PSIP1: variants seen among roughly 807,000 people sequenced by gnomAD.
The protein encoded by PSIP1 is PC4 and SFRS1-interacting protein.
Under a neutral mutation model 74.7 loss-of-function variants are expected in PSIP1, and 19 were observed. The ratio of observed to expected loss-of-function variants is 0.25; its 90% CI spans 0.18 to 0.37. The LOEUF is 0.37. Ranked by LOEUF, PSIP1 falls within the 10% of genes least tolerant of loss-of-function variation. The pLI is 1.00. For missense variants in PSIP1, 601 were observed against 614.3 expected, an observed-to-expected ratio of 0.98 and a Z score of 0.23; for synonymous variants, 222 against 195.3, an observed-to-expected ratio of 1.14 and a Z score of -1.14.
At chr9:15,506,405 A>G in intron 3 of PSIP1, 156 bp downstream of exon 3, 1 of 504,850 alleles carries the variant, frequency 2.0e-6, no homozygotes, top group South Asian at 3.9e-5. Flanking sequence ...GCATCTGTAA[A>G]CGCTACCTTA....
chr9:15,489,633 TTTAA>T (rs1217440154), intron 4 of PSIP1, among the ~76,000 whole-genome samples: 19 of 142,454 alleles, frequency 1.3e-4, no homozygotes, highest in Non-Finnish European at 2.6e-4. Context: ...AAAAAAGAAA[TTTAA>T]TTAATTAATT....
intron 3 of PSIP1, among the ~76,000 whole-genome samples, chr9:15,504,736 C>CAA (rs576748638): frequency 1.1e-4 from 11 of 102,270 alleles, no homozygotes; most frequent in East Asian, 1.0e-3. Flanking sequence ...GACTCGGTCT[C>CAA]AAAAAAAAAA....
chr9:15,479,789 G>A, intron 6 of PSIP1, 102 bp from the exon 7 acceptor site: 2 of 788,264 alleles, frequency 2.5e-6, no homozygotes. Context: ...TTGAGTTCAA[G>A]TATAGATATA....
intron 3 of PSIP1, among the ~76,000 whole-genome samples, chr9:15,495,422 ATT>A (rs1219126043): frequency 6.6e-6 from 1 of 152,196 alleles, no homozygotes; most frequent in Non-Finnish European, 1.5e-5. Flanking sequence ...GACCTTTAAA[ATT>A]TGTCAGAATA....
In PSIP1 at chr9:15,490,053, CT is replaced by C; in HGVS notation, c.220del (p.Arg74GlufsTer11). On this transcript the variant is annotated frameshift_variant, in exon 4 of 16. Coordinates refer to ENST00000380733, the MANE Select transcript of PSIP1 (RefSeq NM_033222.5). LOFTEE classifies it high-confidence loss of function. The stretch of plus-strand genomic sequence containing the variant: ...CCATAAACCTTCATTAAAACCTTTT[CT>C]TTTATTTGGTTTGCCATACTTTTCC... ...NKEKYGKPNKRKGFNEGLWEI... is the reference protein window; with the variant it reads ...NKEKYGKPNKXKGFNEGLWEI... 1 of 1,605,980 alleles carries C rather than the reference CT, an allele frequency of 6.2e-7. No homozygotes were observed. Among genetic ancestry groups the C allele is most frequent in the Non-Finnish European group, 8.5e-7 (1 of 1,176,204 alleles).
intron 14 of PSIP1, 80 bp downstream of exon 14, chr9:15,468,550 T>C (rs1219137722): frequency 2.4e-5 from 35 of 1,441,104 alleles, no homozygotes; most frequent in Non-Finnish European, 3.3e-5. Context: ...AGTGAAACTA[T>C]GTATGAAAGC....
chr9:15,466,147 G>C (rs1043331188), intron 15 of PSIP1, among the ~76,000 whole-genome samples: 1 of 152,218 alleles, frequency 6.6e-6, no homozygotes, highest in Non-Finnish European at 1.5e-5. Context: ...GGAAGCCAAG[G>C]TGGGTGGATC....
rs746028050 is a variant in PSIP1 at position 15,510,132 on chromosome 9, G to C, written c.57C>G (p.Pro19=). Residue 19 remains proline, a synonymous_variant, in exon 2 of 16, where the codon CCC becomes CCG. Coordinates refer to ENST00000380733, the MANE Select transcript of PSIP1 (RefSeq NM_033222.5). ...DLIFAKMKGY[P]HWPARVDEVP... is the part of the protein sequence containing the mutation. ...AATCACTTACTCGAGCTGGCCAATG[G>C]GGATAACCTTTCATCTTGGCGAAGA... The C allele has an allele frequency of 4.4e-6, 7 of 1,607,688 alleles. No homozygotes were observed. Among genetic ancestry groups the C allele is most frequent in the Non-Finnish European group, 4.2e-6 (5 of 1,177,178 alleles).
Position 15,510,101 on chromosome 9 carries a change from G to A in PSIP1, c.72+16C>T, listed in dbSNP as rs1432053115. ...GAGGGTAGCACTGCTAAGCGCGAGG[G>A]CTACAAATCACTTACTCGAGCTGGC... On this transcript the variant is annotated intron_variant, in intron 2 of 15. Coordinates refer to ENST00000380733, the MANE Select transcript of PSIP1 (RefSeq NM_033222.5). 11 of 1,599,182 alleles carry A rather than the reference G, an allele frequency of 6.9e-6. No homozygotes were observed. Among genetic ancestry groups the A allele is most frequent in the Admixed American group, 1.7e-5 (1 of 58,808 alleles).
At chr9:15,479,013 T>G (rs1276246213) in intron 7 of PSIP1, among the ~76,000 whole-genome samples, 1 of 152,100 alleles carries the variant, frequency 6.6e-6, no homozygotes, top group Non-Finnish European at 1.5e-5. Context: ...AAAATCTTTT[T>G]TCTTTTCTGG....
At chr9:15,495,672 C>CCTTT (rs142526507) in intron 3 of PSIP1, among the ~76,000 whole-genome samples, 2,082 of 152,250 alleles carry the variant, frequency 0.014, 37 homozygotes, top group African/African-American at 0.048. Context: ...CTGTCATACT[C>CCTTT]CTAAGTTTAG....
intron 4 of PSIP1, among the ~76,000 whole-genome samples, chr9:15,488,814 G>T (rs904396579): frequency 6.6e-6 from 1 of 151,786 alleles, no homozygotes; most frequent in South Asian, 2.1e-4. Flanking sequence ...AAGGTCAGGA[G>T]ATCGAGACCA....
At chr9:15,466,720 A>C in intron 15 of PSIP1, 28 bp downstream of exon 15, 2 of 1,543,904 alleles carry the variant, frequency 1.3e-6, no homozygotes, top group African/African-American at 1.4e-5. Context: ...TAAAAAACAC[A>C]CAAGACCCAT....
intron 6 of PSIP1, among the ~76,000 whole-genome samples, chr9:15,482,629 T>C (rs2036383838): frequency 6.6e-6 from 1 of 152,194 alleles, no homozygotes; most frequent in African/African-American, 2.4e-5. Flanking sequence ...TCATCCAACA[T>C]GTATTTACAT....
At chr9:15,471,545 A>T (rs1407543179) in intron 10 of PSIP1, 6 of 972,638 alleles carry the variant, frequency 6.2e-6, no homozygotes, top group Non-Finnish European at 7.3e-6. Flanking sequence ...TTCAGTGAAA[A>T]GATAGAATAG....
rs1222370607 is a variant in PSIP1, at chr9:15,469,931, A to G, written c.1033+7T>C. On this transcript the variant is annotated splice_region_variant and intron_variant, in intron 11 of 15. Coordinates refer to ENST00000380733, the MANE Select transcript of PSIP1 (RefSeq NM_033222.5). The stretch of plus-strand genomic sequence containing the variant: ...TTTTATGTATCTTAGAAAGTGAAAT[A>G]ACTAACCTCGCTTCTTCTCCACTTT... The G allele has an allele frequency of 6.2e-7, 1 of 1,603,146 alleles. No individual in the cohort carries two copies. The highest frequency in any genetic ancestry group is 2.2e-5 in the East Asian group (1 of 44,736).
intron 3 of PSIP1, among the ~76,000 whole-genome samples, chr9:15,491,314 A>G (rs375915247): frequency 6.6e-5 from 10 of 152,242 alleles, no homozygotes; most frequent in African/African-American, 2.4e-4. Context: ...AACAGACTGC[A>G]AAAAAGATAC....
chr9:15,497,282 A>G (rs1233974181), intron 3 of PSIP1, among the ~76,000 whole-genome samples: 1 of 151,062 alleles, frequency 6.6e-6, no homozygotes, highest in Non-Finnish European at 1.5e-5. Flanking sequence ...CATCATCCTA[A>G]GTGAGAAAAG....
Position 15,471,435 on chromosome 9 carries a change from A to G in PSIP1, c.977+1197T>C, listed in dbSNP as rs2035825925. 6.9e-6 allele frequency: 10 copies of G among 1,446,038 alleles called. No homozygotes were observed. The East Asian group carries it at 2.5e-4, about 36-fold the overall frequency. The allele number at this position is 1,446,038 out of a possible 1,614,324, so 89.6% of individuals were successfully genotyped here. ...AAATACATAAAGATAACTTTAAGATACTAAAGAAGGGTTGGGCTACATATA... is the reference window on the plus strand; with the variant it reads ...AAATACATAAAGATAACTTTAAGATGCTAAAGAAGGGTTGGGCTACATATA... On this transcript the variant is annotated intron_variant, in intron 10 of 15. Transcript: ENST00000380733.
Sources: allele counts gnomAD v4.1 joint callset (sites outside exome capture counted in the v4.1 genomes callset), GRCh38; gene constraint gnomAD v4.1.1; transcripts MANE v1.5; gene names NCBI Gene and HGNC (gene_info 2026-07-23, HGNC 2026-07-21).